Variants in UBE2D2 observed in about 807,000 individuals in gnomAD.
The protein encoded by UBE2D2 is ubiquitin-conjugating enzyme E2 D2.
A neutral mutation model predicts 24.2 loss-of-function variants in UBE2D2; 2 were observed. That is an observed-to-expected ratio of 0.08 (90% CI 0.03 to 0.26). UBE2D2 has a LOEUF of 0.26. Among genes scored for constraint, UBE2D2 ranks in the 10% least tolerant of loss-of-function variants. UBE2D2 has a pLI of 1.00. For synonymous variants in UBE2D2, 58 were observed against 56.5 expected, an observed-to-expected ratio of 1.03 and a Z score of -0.12; for missense variants, 44 against 177.6, an observed-to-expected ratio of 0.25 and a Z score of 4.28.
intron 1 of UBE2D2, among the ~76,000 whole-genome samples, chr5:139,563,260 GT>G (rs1753148188): frequency 6.6e-6 from 1 of 152,152 alleles, no homozygotes; most frequent in Non-Finnish European, 1.5e-5. Flanking sequence ...CTCAAAGACA[GT>G]GTGGAATCAG....
intron 1 of UBE2D2, among the ~76,000 whole-genome samples, chr5:139,549,628 C>G (rs530071745): frequency 1.6e-4 from 25 of 152,224 alleles, no homozygotes; most frequent in Non-Finnish European, 3.1e-4. Context: ...ACACCCTCCC[C>G]CTACACCGTG....
At chr5:139,548,934 C>T (rs1581484669) in intron 1 of UBE2D2, among the ~76,000 whole-genome samples, 1 of 151,778 alleles carries the variant, frequency 6.6e-6, no homozygotes, top group East Asian at 1.9e-4. Context: ...CTGCAACCTC[C>T]GTCTCCCGGG....
At chr5:139,571,215 T>C (rs1236824604) in intron 1 of UBE2D2, among the ~76,000 whole-genome samples, 1 of 152,010 alleles carries the variant, frequency 6.6e-6, no homozygotes, top group Non-Finnish European at 1.5e-5. Flanking sequence ...GAGACCATCC[T>C]GGCCAACATG....
intron 1 of UBE2D2, among the ~76,000 whole-genome samples, chr5:139,542,733 G>C (rs931865668): frequency 8.5e-5 from 13 of 152,166 alleles, no homozygotes; most frequent in African/African-American, 3.1e-4. Context: ...ATCAGCAGAT[G>C]AAGGGATAAA....
intron 1 of UBE2D2, among the ~76,000 whole-genome samples, chr5:139,532,821 C>T (rs1752613561): frequency 6.6e-6 from 1 of 151,924 alleles, no homozygotes; most frequent in Non-Finnish European, 1.5e-5. Context: ...AAAAAATGAA[C>T]CTCAGCCAGG....
At chr5:139,562,802 C>G (rs1028673836) in intron 1 of UBE2D2, among the ~76,000 whole-genome samples, 5 of 152,026 alleles carry the variant, frequency 3.3e-5, no homozygotes, top group African/African-American at 9.7e-5. Context: ...TTTTCCCTTT[C>G]TGATGTTGTA....
chr5:139,581,060 A>C (rs1214931614), intron 1 of UBE2D2, among the ~76,000 whole-genome samples: 16 of 152,186 alleles, frequency 1.1e-4, no homozygotes, highest in Non-Finnish European at 2.4e-4. Context: ...ATTTAAGTGA[A>C]GCCTGAAGGT....
At chr5:139,542,618 G>C (rs1752774695) in intron 1 of UBE2D2, among the ~76,000 whole-genome samples, 1 of 152,144 alleles carries the variant, frequency 6.6e-6, no homozygotes. Flanking sequence ...ACCACGCCTG[G>C]CATGGCATGA....
chr5:139,537,045 T>C (rs972996093), intron 1 of UBE2D2, among the ~76,000 whole-genome samples: 4 of 151,908 alleles, frequency 2.6e-5, no homozygotes, highest in African/African-American at 9.7e-5. Flanking sequence ...TAGCCGGGCA[T>C]GGTGGCGGAT....
chr5:139,605,315 G>A (rs1048764074), intron 2 of UBE2D2, among the ~76,000 whole-genome samples: 2 of 151,976 alleles, frequency 1.3e-5, no homozygotes, highest in South Asian at 2.1e-4. Flanking sequence ...GTAAGCAGCC[G>A]GGCCCGGTGG....
chr5:139,547,277 C>T (rs1310219871), intron 1 of UBE2D2, among the ~76,000 whole-genome samples: 2 of 151,650 alleles, frequency 1.3e-5, no homozygotes, highest in Non-Finnish European at 2.9e-5. Context: ...GGTGACAGAG[C>T]GAGACTCCGT....
intron 6 of UBE2D2, among the ~76,000 whole-genome samples, chr5:139,626,304 A>G (rs1299663169): frequency 2.0e-5 from 3 of 152,146 alleles, no homozygotes; most frequent in Non-Finnish European, 1.5e-5. Flanking sequence ...GCCTGGGCTC[A>G]AGTGATCCAC....
intron 1 of UBE2D2, among the ~76,000 whole-genome samples, chr5:139,585,233 GA>G (rs1561511427): frequency 7.8e-6 from 1 of 128,988 alleles, no homozygotes; most frequent in African/African-American, 3.0e-5. Context: ...TTTTGAGACA[GA>G]GTTTTACCCC....
chr5:139,625,373 C>T (rs1471707896), intron 6 of UBE2D2, among the ~76,000 whole-genome samples: 4 of 149,284 alleles, frequency 2.7e-5, no homozygotes, highest in Non-Finnish European at 4.5e-5. Context: ...CCTCAGCCCC[C>T]CAAAGTGCTG....
chr5:139,612,539 G>A (rs900901462), intron 2 of UBE2D2, among the ~76,000 whole-genome samples: 1 of 152,212 alleles, frequency 6.6e-6, no homozygotes, highest in Non-Finnish European at 1.5e-5. Context: ...ACAGCTTTGA[G>A]TGGAAATGCA....
chr5:139,591,642 C>G (rs1241434641), intron 1 of UBE2D2, among the ~76,000 whole-genome samples: 2 of 152,158 alleles, frequency 1.3e-5, no homozygotes, highest in Non-Finnish European at 2.9e-5. Flanking sequence ...TTAAGTCTAT[C>G]AGCTGCAGAT....
chr5:139,557,673 G>A (rs968580097), upstream of UBE2D2, among the ~76,000 whole-genome samples: 2 of 152,006 alleles, frequency 1.3e-5, no homozygotes, highest in Non-Finnish European at 2.9e-5. Context: ...ACTTGAACCC[G>A]GAGACGGAGA....
rs779014089 is a variant in UBE2D2, at chr5:139,614,807, A to C, written c.198+33A>C. On this transcript the variant is annotated intron_variant, in intron 4 of 6. Coordinates refer to ENST00000398733, the MANE Select transcript of UBE2D2 (RefSeq NM_003339.3). ...ATTGGAATGTGGCAGTTTTTAATGTACTTTCTATAATACTAATAAACTAGT... is the reference window on the plus strand; with the variant it reads ...ATTGGAATGTGGCAGTTTTTAATGTCCTTTCTATAATACTAATAAACTAGT... 8 of 1,612,482 alleles carry C rather than the reference A, an allele frequency of 5.0e-6. No individual in the cohort carries two copies. In the South Asian group the frequency reaches 8.8e-5, roughly 18 times the overall value.
intron 5 of UBE2D2, 48 bp from the exon 6 acceptor site, chr5:139,623,319 AC>A: frequency 2.1e-6 from 3 of 1,408,254 alleles, no homozygotes; most frequent in Non-Finnish European, 2.9e-6. Context: ...GTTTCTCTCA[AC>A]CCTTTGCTTT....
Sources: allele counts gnomAD v4.1 joint callset (sites outside exome capture counted in the v4.1 genomes callset), GRCh38; gene constraint gnomAD v4.1.1; transcripts MANE v1.5; gene names NCBI Gene and HGNC (gene_info 2026-07-23, HGNC 2026-07-21).